Variants in CFAP221 observed in about 807,000 individuals in gnomAD.
CFAP221 encodes the protein cilia and flagella associated protein 221, also known as cilia- and flagella-associated protein 221.
CFAP221 carries 97 observed loss-of-function variants against 113.1 expected under a neutral mutation model. The observed-to-expected ratio is 0.86, with a 90% CI of 0.73 to 1.02. The LOEUF is 1.02. Among genes scored for constraint, CFAP221 ranks in the 50% least tolerant of loss-of-function variants. The pLI, the probability that CFAP221 is intolerant of heterozygous loss-of-function variation, is 0.00. For missense variants in CFAP221, 1,025 were observed against 1,013.4 expected, an observed-to-expected ratio of 1.01 and a Z score of -0.16; for synonymous variants, 331 against 354.4, an observed-to-expected ratio of 0.93 and a Z score of 0.74.
chr2:119,632,466 G>A lies in CFAP221; in HGVS notation c.1974+1565G>A, dbSNP rs184879886. On this transcript the variant is annotated intron_variant, in intron 19 of 23. Coordinates refer to ENST00000413369, the MANE Select transcript of CFAP221 (RefSeq NM_001271049.2). ...CCTGATGAACACTATCAGCAAGTGC[G>A]GGATAGAAGGGAACTTCCTCAACCA... is the stretch of plus-strand genomic sequence containing the variant. Among the ~76,000 whole-genome samples the A allele has an allele frequency of 2.3e-4, 35 of 152,104 alleles. No homozygotes were observed. The South Asian group carries it at 2.5e-3, about 11-fold the overall frequency.
Position 119,587,348 on chromosome 2 carries a change from C to T in CFAP221, c.631+126C>T, listed in dbSNP as rs375642092. 64 of 536,302 alleles carry T rather than the reference C, an allele frequency of 1.2e-4. 1 individual carries two copies. In the South Asian group the frequency reaches 1.9e-3, roughly 16 times the overall value. 33.2% of individuals were successfully genotyped at this position (536,302 alleles called of 1,614,324 possible). Reference sequence around the variant, plus strand: ...ACCTGATGTAAAATGGAATTGGACACGTCAGAATAACGACACTTTGGGATC... The same window carrying T: ...ACCTGATGTAAAATGGAATTGGACATGTCAGAATAACGACACTTTGGGATC... On this transcript the variant is annotated intron_variant, in intron 7 of 23. Coordinates refer to ENST00000413369, the MANE Select transcript of CFAP221 (RefSeq NM_001271049.2).
chr2:119,576,893 T>TCA (rs1682487860), intron 6 of CFAP221, among the ~76,000 whole-genome samples: 1 of 152,248 alleles, frequency 6.6e-6, no homozygotes, highest in African/African-American at 2.4e-5. Flanking sequence ...TTTTTGTTGA[T>TCA]CACATTCTGA....
At chr2:119,563,294 A>G (rs986656366) in intron 6 of CFAP221, among the ~76,000 whole-genome samples, 1 of 152,244 alleles carries the variant, frequency 6.6e-6, no homozygotes, top group African/African-American at 2.4e-5. Context: ...TGTATAGTTT[A>G]GGTAATAATG....
intron 6 of CFAP221, among the ~76,000 whole-genome samples, chr2:119,577,710 C>T (rs1212629029): frequency 6.6e-6 from 1 of 152,066 alleles, no homozygotes; most frequent in Admixed American, 6.5e-5. Flanking sequence ...GACATATAAG[C>T]ACAACAGCTG....
chr2:119,552,979 G>A (rs1558905929), intron 3 of CFAP221, among the ~76,000 whole-genome samples: 1 of 152,158 alleles, frequency 6.6e-6, no homozygotes, highest in Non-Finnish European at 1.5e-5. Flanking sequence ...TTCACCCACA[G>A]TTGGTGAGAG....
Position 119,609,883 on chromosome 2 carries a change from T to TA in CFAP221, c.1221+1295dup, listed in dbSNP as rs557052490. ...TTTCCAGATTTGGAGTCCAACTAGA[T>TA]ATTTAAATAAATTTGTCTTATTTTT... On this transcript the variant is annotated intron_variant, in intron 12 of 23. Transcript: ENST00000413369. Among the ~76,000 whole-genome samples, 5 of 152,326 alleles carry TA rather than the reference T, an allele frequency of 3.3e-5. No homozygotes were observed. In the South Asian group the frequency reaches 1.0e-3, roughly 32 times the overall value.
rs185554310 is a variant in CFAP221, at chr2:119,645,747, T to C, written c.2226-1211T>C. 1.1e-3 allele frequency among the ~76,000 whole-genome samples: 175 copies of C among 152,308 alleles called. 1 individual carries two copies. Among genetic ancestry groups the C allele is most frequent in the African/African-American group, 4.0e-3 (168 of 41,572 alleles). ...GCTGCCTCCTGCCCTACCTTCAGCC[T>C]CAGCCTTTCCAGCATCTGTGAGGAG... On this transcript the variant is annotated intron_variant, in intron 21 of 23. Transcript: ENST00000413369.
chr2:119,548,709 A>T (rs950647191), intron 2 of CFAP221, among the ~76,000 whole-genome samples: 1 of 152,250 alleles, frequency 6.6e-6, no homozygotes, highest in African/African-American at 2.4e-5. Context: ...TGATCTGGGT[A>T]TTCATTATGT....
At chr2:119,634,811 T>C (rs1395890911) in intron 19 of CFAP221, among the ~76,000 whole-genome samples, 1 of 152,156 alleles carries the variant, frequency 6.6e-6, no homozygotes, top group African/African-American at 2.4e-5. Flanking sequence ...TATCAGAGGC[T>C]GAGAGAGGGG....
chr2:119,561,013 G>A (rs1210616292), intron 5 of CFAP221, among the ~76,000 whole-genome samples: 4 of 152,030 alleles, frequency 2.6e-5, no homozygotes, highest in Non-Finnish European at 5.9e-5. Flanking sequence ...AAATGGCCAG[G>A]CGCGATGGCT....
At chr2:119,623,178 CA>C (rs1224837354) in intron 14 of CFAP221, among the ~76,000 whole-genome samples, 1 of 152,184 alleles carries the variant, frequency 6.6e-6, no homozygotes, top group Non-Finnish European at 1.5e-5. Flanking sequence ...TCTCAGGATA[CA>C]AAATCAATAT....
At chr2:119,616,109 A>G (rs909487343) in intron 14 of CFAP221, among the ~76,000 whole-genome samples, 4 of 152,230 alleles carry the variant, frequency 2.6e-5, no homozygotes, top group South Asian at 4.1e-4. Flanking sequence ...ATAGTTGTAC[A>G]TATTTGTGGG....
At chr2:119,597,862 A>C (rs1005476276) in intron 7 of CFAP221, among the ~76,000 whole-genome samples, 1 of 152,224 alleles carries the variant, frequency 6.6e-6, no homozygotes, top group African/African-American at 2.4e-5. Context: ...TGCTTTCTGC[A>C]ATCAATCAGA....
intron 21 of CFAP221, among the ~76,000 whole-genome samples, chr2:119,642,109 C>G (rs1283295749): frequency 1.3e-5 from 2 of 152,158 alleles, no homozygotes; most frequent in Non-Finnish European, 2.9e-5. Flanking sequence ...AACTCTCGAA[C>G]CATGAGTTGT....
intron 12 of CFAP221, among the ~76,000 whole-genome samples, 174 bp downstream of exon 12, chr2:119,608,763 C>G (rs1684950004): frequency 1.3e-5 from 2 of 152,132 alleles, no homozygotes; most frequent in African/African-American, 4.8e-5. Context: ...CACCAGAGAC[C>G]TATACTAAGT....
intron 19 of CFAP221, 194 bp downstream of exon 19, chr2:119,631,095 C>T: frequency 2.4e-6 from 3 of 1,259,686 alleles, no homozygotes; most frequent in Non-Finnish European, 3.0e-6. Flanking sequence ...TTAGCAATTC[C>T]TGCATTTTTA....
At chr2:119,559,859 T>C in intron 4 of CFAP221, 69 bp from the exon 5 acceptor site, 1 of 1,476,756 alleles carries the variant, frequency 6.8e-7, no homozygotes, top group Non-Finnish European at 9.1e-7. Flanking sequence ...GTGTGGTGTG[T>C]TGTCACCCCC....
rs745815827 is a variant in CFAP221, at chr2:119,656,411, C to T, written c.2464C>T (p.Leu822Phe). 4.3e-6 allele frequency: 7 copies of T among 1,614,012 alleles called. No homozygotes were observed. The highest frequency in any genetic ancestry group is 5.9e-6 in the Non-Finnish European group (7 of 1,179,970). ...QPAEKAGEKL[L>F]EEMRNLRGKA... Reference sequence around the variant, plus strand: ...AGCAGAGAAGGCCGGAGAGAAGCTGCTCGAGGAGATGAGGAACCTGCGGGG... The same window carrying T: ...AGCAGAGAAGGCCGGAGAGAAGCTGTTCGAGGAGATGAGGAACCTGCGGGG... Residue 822 changes from leucine (L) to phenylalanine (F), a missense_variant, in exon 24 of 24, where the codon CTC (leucine) becomes TTC (phenylalanine). Coordinates refer to ENST00000413369, the MANE Select transcript of CFAP221 (RefSeq NM_001271049.2).
In CFAP221 at chr2:119,587,866, CAA is replaced by C. The variant is rs112424939; in HGVS notation, c.631+645_631+646del. 3.4e-3 allele frequency among the ~76,000 whole-genome samples: 519 copies of C among 152,240 alleles called. 2 individuals are homozygous for C. Among genetic ancestry groups the C allele is most frequent in the African/African-American group, 0.012 (502 of 41,544 alleles). ...TTTGTTTACAACTCTTTCAGTACTG[CAA>C]GTACATATTTTGTCCAACAAATGAG... On this transcript the variant is annotated intron_variant, in intron 7 of 23. Transcript: ENST00000413369.
Sources: allele counts gnomAD v4.1 joint callset (sites outside exome capture counted in the v4.1 genomes callset), GRCh38; gene constraint gnomAD v4.1.1; transcripts MANE v1.5; gene names NCBI Gene and HGNC (gene_info 2026-07-23, HGNC 2026-07-21).